ATRNL1: variants seen among roughly 807,000 people sequenced by gnomAD.
ATRNL1 encodes attractin like 1, also known as attractin-like protein 1.
A neutral mutation model predicts 182.7 loss-of-function variants in ATRNL1; 95 were observed. That is an observed-to-expected ratio of 0.52 (90% CI 0.44 to 0.62). The LOEUF is 0.62. Among genes scored for constraint, ATRNL1 ranks in the 20% least tolerant of loss-of-function variants. The probability of loss-of-function intolerance (pLI) is 0.00; values close to 1 mark genes in which losing one functional copy is unlikely to be tolerated. For synonymous variants in ATRNL1, 576 were observed against 568.3 expected, an observed-to-expected ratio of 1.01 and a Z score of -0.19; for missense variants, 1,471 against 1,679.5, an observed-to-expected ratio of 0.88 and a Z score of 2.17.
intron 13 of ATRNL1, among the ~76,000 whole-genome samples, chr10:115,277,047 A>C (rs1274402123): frequency 6.6e-6 from 1 of 151,994 alleles, no homozygotes; most frequent in Non-Finnish European, 1.5e-5. Context: ...TATTTATCTG[A>C]TACTTCAGGT....
At chr10:115,583,039 A>C (rs1346696864) in intron 26 of ATRNL1, among the ~76,000 whole-genome samples, 21 of 149,206 alleles carry the variant, frequency 1.4e-4, no homozygotes, top group African/African-American at 4.9e-4. Context: ...CAGGTTTGTC[A>C]AAGATCAGAT....
intron 18 of ATRNL1, among the ~76,000 whole-genome samples, chr10:115,326,912 A>T (rs1414461825): frequency 1.2e-4 from 18 of 152,222 alleles, no homozygotes; most frequent in Non-Finnish European, 1.0e-4. Flanking sequence ...TCCCTTCCTT[A>T]CACCTTATAC....
intron 26 of ATRNL1, among the ~76,000 whole-genome samples, chr10:115,619,667 C>G (rs904705601): frequency 6.6e-6 from 1 of 152,200 alleles, no homozygotes; most frequent in South Asian, 2.1e-4. Flanking sequence ...TTTTCAGTAT[C>G]TTATCTCATT....
chr10:115,846,846 C>T (rs1555098893), intron 27 of ATRNL1, among the ~76,000 whole-genome samples: 1 of 152,036 alleles, frequency 6.6e-6, no homozygotes, highest in Non-Finnish European at 1.5e-5. Flanking sequence ...TAAATGCTAG[C>T]CCAACTACTG....
chr10:115,599,128 T>G (rs1856445549), intron 26 of ATRNL1, among the ~76,000 whole-genome samples: 1 of 152,212 alleles, frequency 6.6e-6, no homozygotes. Context: ...AGAACAAGCT[T>G]AAAGTACTGT....
At chr10:115,869,405 C>A (rs555205570) in intron 28 of ATRNL1, among the ~76,000 whole-genome samples, 37 of 152,254 alleles carry the variant, frequency 2.4e-4, no homozygotes, top group African/African-American at 8.9e-4. Flanking sequence ...AAGAGCTAGG[C>A]TCCTTGGGCA....
chr10:115,429,427 A>G (rs1398989238), intron 21 of ATRNL1, among the ~76,000 whole-genome samples: 1 of 152,118 alleles, frequency 6.6e-6, no homozygotes, highest in African/African-American at 2.4e-5. Context: ...GGGCTGAATC[A>G]CAGTGATGAT....
intron 28 of ATRNL1, among the ~76,000 whole-genome samples, chr10:115,923,141 G>T (rs1953117984): frequency 6.6e-6 from 1 of 152,096 alleles, no homozygotes; most frequent in African/African-American, 2.4e-5. Context: ...TAGTGAAGTG[G>T]CTCTAATGAG....
At chr10:115,800,400 G>T (rs1024022720) in intron 27 of ATRNL1, among the ~76,000 whole-genome samples, 2 of 152,098 alleles carry the variant, frequency 1.3e-5, no homozygotes, top group Non-Finnish European at 2.9e-5. Context: ...TCAAAGAAAG[G>T]AAGGAAAGAG....
At chr10:115,900,313 T>C (rs1180048048) in intron 28 of ATRNL1, among the ~76,000 whole-genome samples, 5 of 152,160 alleles carry the variant, frequency 3.3e-5, no homozygotes, top group Non-Finnish European at 5.9e-5. Context: ...TAGAAGACAG[T>C]CTACAAAAGA....
chr10:115,368,855 A>C (rs939411519), intron 19 of ATRNL1, among the ~76,000 whole-genome samples: 1 of 151,978 alleles, frequency 6.6e-6, no homozygotes, highest in Admixed American at 6.6e-5. Flanking sequence ...CTGAGATTAC[A>C]GGTGCCCACC....
intron 5 of ATRNL1, among the ~76,000 whole-genome samples, chr10:115,147,609 G>T (rs1246264988): frequency 1.3e-5 from 2 of 151,868 alleles, no homozygotes; most frequent in Admixed American, 1.3e-4. Context: ...GGGTCTTAGG[G>T]TTTAAGTCTT....
intron 23 of ATRNL1, among the ~76,000 whole-genome samples, chr10:115,468,429 G>A (rs1259863824): frequency 6.6e-6 from 1 of 150,730 alleles, no homozygotes; most frequent in African/African-American, 2.4e-5. Flanking sequence ...TGTACACAAG[G>A]TGATTATGGA....
intron 27 of ATRNL1, among the ~76,000 whole-genome samples, chr10:115,738,292 A>G (rs1437971231): frequency 2.0e-5 from 3 of 150,208 alleles, no homozygotes; most frequent in Non-Finnish European, 4.4e-5. Flanking sequence ...GACACCCACT[A>G]CAATGCCCAG....
At chr10:115,175,142 C>T (rs1244529336) in intron 8 of ATRNL1, among the ~76,000 whole-genome samples, 2 of 151,998 alleles carry the variant, frequency 1.3e-5, no homozygotes, top group African/African-American at 2.4e-5. Context: ...CTCTAGGCCA[C>T]CTGATTAGTA....
At chr10:115,686,289 A>G (rs1044874933) in intron 26 of ATRNL1, among the ~76,000 whole-genome samples, 1 of 152,004 alleles carries the variant, frequency 6.6e-6, no homozygotes, top group African/African-American at 2.4e-5. Context: ...AAACAGTACA[A>G]TACCGCAAAT....
intron 26 of ATRNL1, among the ~76,000 whole-genome samples, chr10:115,653,934 G>A (rs1191769039): frequency 6.6e-6 from 1 of 152,028 alleles, no homozygotes; most frequent in Non-Finnish European, 1.5e-5. Context: ...TTTTTTATGT[G>A]TAACTTCTGG....
At chr10:115,397,206 C>G (rs1844332183) in intron 20 of ATRNL1, among the ~76,000 whole-genome samples, 2 of 151,846 alleles carry the variant, frequency 1.3e-5, no homozygotes, top group Non-Finnish European at 2.9e-5. Context: ...CTTGATACTA[C>G]TAATGAAGAT....
chr10:115,490,196 A>G (rs1554976221), intron 24 of ATRNL1, among the ~76,000 whole-genome samples: 1 of 151,886 alleles, frequency 6.6e-6, no homozygotes, highest in East Asian at 1.9e-4. Flanking sequence ...TCTGATGATT[A>G]TGTGTCTTGG....
Sources: allele counts gnomAD v4.1 joint callset (sites outside exome capture counted in the v4.1 genomes callset), GRCh38; gene constraint gnomAD v4.1.1; transcripts MANE v1.5; gene names NCBI Gene and HGNC (gene_info 2026-07-23, HGNC 2026-07-21).